The following KCNN1 variants were observed in gnomAD, a reference collection of about 807,000 sequenced individuals.
KCNN1 encodes the protein small conductance calcium-activated potassium channel protein 1.
In KCNN1, 20 loss-of-function variants were observed where a neutral mutation model predicts 44.7. That is an observed-to-expected ratio of 0.45 (90% CI 0.32 to 0.65). The LOEUF (loss-of-function observed/expected upper bound fraction) is 0.65. Ranked by LOEUF, KCNN1 falls within the 30% of genes least tolerant of loss-of-function variation. The probability of loss-of-function intolerance (pLI) is 0.05; values close to 1 mark genes in which losing one functional copy is unlikely to be tolerated. For synonymous variants in KCNN1, 324 were observed against 341.7 expected (o/e 0.95, Z 0.57); for missense variants, 632 against 785.3 (o/e 0.80, Z 2.33).
chr19:17,989,716 G>T lies in KCNN1; in HGVS notation c.1171G>T (p.Val391Leu). Reference protein sequence around the residue: ...FMMDTQLTKRVKNAAANVLRE... With the variant: ...FMMDTQLTKRLKNAAANVLRE... ...GGAATTGTTCTTTTTCTGGCCCCAG[G>T]TAAAAAACGCCGCTGCTAACGTTCT... The change falls in exon 7 of 10, where the codon GTA becomes TTA. Residue 391 changes from valine to leucine, a missense_variant and splice_region_variant. Physicochemically the swap from Val to Leu is conservative, Grantham distance 32. Coordinates refer to ENST00000684775, the MANE Select transcript of KCNN1 (RefSeq NM_001386974.1). 1 of 1,613,264 alleles carries T rather than the reference G, an allele frequency of 6.2e-7. No homozygotes were observed. Among genetic ancestry groups the T allele is most frequent in the Non-Finnish European group, 8.5e-7 (1 of 1,179,614 alleles).
intron 3 of KCNN1, among the ~76,000 whole-genome samples, chr19:17,977,677 A>G (rs2032251118): frequency 6.6e-6 from 1 of 152,024 alleles, no homozygotes; most frequent in African/African-American, 2.4e-5. Context: ...CATTTTAACT[A>G]GCCGACCTCG....
At chr19:17,978,443 T>G (rs78088717) in intron 3 of KCNN1, among the ~76,000 whole-genome samples, 1 of 149,458 alleles carries the variant, frequency 6.7e-6, no homozygotes, top group Non-Finnish European at 1.5e-5. Context: ...TTTTTTTTTT[T>G]TAAACACAGG....
intron 1 of KCNN1, among the ~76,000 whole-genome samples, chr19:17,969,223 G>A (rs1448033949): frequency 2.0e-5 from 3 of 152,080 alleles, no homozygotes; most frequent in African/African-American, 7.2e-5. Context: ...CTTCTCGACG[G>A]CAGGACCAGG....
chr19:17,955,753 G>A (rs922914501), intron 2 of KCNN1, among the ~76,000 whole-genome samples: 6 of 151,760 alleles, frequency 4.0e-5, no homozygotes, highest in African/African-American at 1.5e-4. Context: ...GGGGTGTTGA[G>A]CCAGGTTGGA....
At chr19:17,954,230 G>A (rs1395136366) in intron 1 of KCNN1, among the ~76,000 whole-genome samples, 1 of 152,146 alleles carries the variant, frequency 6.6e-6, no homozygotes, top group African/African-American at 2.4e-5. Flanking sequence ...GCTGAAGCAG[G>A]TGAATCACCT....
At chr19:17,973,437 C>T (rs1479298624) in intron 1 of KCNN1, among the ~76,000 whole-genome samples, 1 of 152,198 alleles carries the variant, frequency 6.6e-6, no homozygotes, top group Non-Finnish European at 1.5e-5. Context: ...TGCACCACTA[C>T]GCCTGGCTAA....
chr19:17,984,057 G>A (rs1477044554), intron 4 of KCNN1, among the ~76,000 whole-genome samples: 1 of 151,960 alleles, frequency 6.6e-6, no homozygotes, highest in Non-Finnish European at 1.5e-5. Context: ...CAGCTACTCG[G>A]GAGGCTGAAG....
chr19:17,967,153 C>T lies in KCNN1; in HGVS notation c.-246C>T, dbSNP rs1388038226. The T allele has an allele frequency of 1.0e-6, 1 of 958,462 alleles. No individual in the cohort carries two copies. Among genetic ancestry groups the T allele is most frequent in the Non-Finnish European group, 1.2e-6 (1 of 807,684 alleles). 59.4% of individuals were successfully genotyped at this position (958,462 alleles called of 1,614,324 possible). A position where few individuals can be genotyped will look rare whatever the true frequency, so the allele number is the denominator to read the frequency against. On this transcript the variant is annotated 5_prime_UTR_variant, in exon 1 of 10. Coordinates refer to ENST00000684775, the MANE Select transcript of KCNN1 (RefSeq NM_001386974.1). ...CCCGTGGACTGGGCGGCGGGGGATG[C>T]GCCTGCCGCCGCCGCCCCCGGCCCC...
intron 5 of KCNN1, 40 bp downstream of exon 5, chr19:17,985,493 AGCCAGCT>A (rs1244693619): frequency 6.7e-7 from 1 of 1,502,752 alleles, no homozygotes; most frequent in Non-Finnish European, 9.0e-7. Context: ...TGGGAGGTCC[AGCCAGCT>A]GCCCGCTCCA....
chr19:17,996,587 C>T (rs2033001502), intron 9 of KCNN1, among the ~76,000 whole-genome samples: 1 of 152,160 alleles, frequency 6.6e-6, no homozygotes, highest in Non-Finnish European at 1.5e-5. Context: ...GCCTAGACAA[C>T]AAGAGCGAGA....
chr19:17,954,544 C>G (rs1327797047), intron 1 of KCNN1: 1 of 152,900 alleles, frequency 6.5e-6, no homozygotes, highest in East Asian at 1.9e-4. Flanking sequence ...CCCGCACCCC[C>G]TGTCTGATCA....
intron 4 of KCNN1, among the ~76,000 whole-genome samples, chr19:17,985,035 G>A (rs2032548003): frequency 2.0e-5 from 3 of 152,168 alleles, no homozygotes; most frequent in African/African-American, 7.2e-5. Context: ...CTGTCTGTGT[G>A]TGTCTGTCGT....
rs71164334 is a variant in KCNN1 at position 17,979,140 on chromosome 19, T to TAAA, written c.499-2552_499-2550dup. 9.7e-5 allele frequency among the ~76,000 whole-genome samples: 10 copies of TAAA among 103,346 alleles called. No homozygotes were observed. The South Asian group carries it at 1.1e-3, about 11-fold the overall frequency. 67.8% of individuals were successfully genotyped at this position (103,346 alleles called of 152,430 possible). ...GTAACATAGCAAGACCCCTTCCTCT[T>TAAA]AAAAAAAAAAAAAAAAAAAGGCCGG... On this transcript the variant is annotated intron_variant, in intron 3 of 9. Transcript: ENST00000684775.
At chr19:17,978,126 G>GTTTTTT (rs761452750) in intron 3 of KCNN1, among the ~76,000 whole-genome samples, 1 of 130,962 alleles carries the variant, frequency 7.6e-6, no homozygotes, top group African/African-American at 2.8e-5. Flanking sequence ...ATGTATACTT[G>GTTTTTT]TTTTTTTTTT....
chr19:17,988,376 A>G (rs746992947), intron 5 of KCNN1, 39 bp from the exon 6 acceptor site: 17 of 1,552,280 alleles, frequency 1.1e-5, no homozygotes, highest in Non-Finnish European at 1.4e-5. Context: ...AGTGACCTCA[A>G]GACAGGACGC....
intron 2 of KCNN1, among the ~76,000 whole-genome samples, chr19:17,961,564 T>C (rs1211874625): frequency 8.5e-6 from 1 of 117,836 alleles, no homozygotes; most frequent in Non-Finnish European, 1.8e-5. Context: ...AAACCCTATT[T>C]TCTTTCTTTC....
intron 1 of KCNN1, among the ~76,000 whole-genome samples, chr19:17,953,376 C>G (rs563741676): frequency 2.0e-5 from 3 of 152,354 alleles, no homozygotes; most frequent in African/African-American, 7.2e-5. Context: ...CTGGCTGGAA[C>G]AGGTGGCCCC....
In KCNN1 at chr19:17,974,633, T is replaced by C. The variant is rs1400713363; in HGVS notation, c.402+343T>C. Among the ~76,000 whole-genome samples, 1 of 152,142 alleles carries C rather than the reference T, an allele frequency of 6.6e-6. No homozygotes were observed. Among genetic ancestry groups the C allele is most frequent in the Non-Finnish European group, 1.5e-5 (1 of 68,012 alleles). On this transcript the variant is annotated intron_variant, in intron 2 of 9. Transcript: ENST00000684775. This position sits in a 1 kb window ranked among gnomAD's most constrained non-coding sequence, Gnocchi z 7.3. ...TCCTCCCCTTCCGAGAGTGAGTGCG[T>C]CCAGGTTACAAGCCTGGCTGTGGGT... is the stretch of plus-strand genomic sequence containing the variant.
intron 3 of KCNN1, among the ~76,000 whole-genome samples, chr19:17,978,377 G>A (rs1193423242): frequency 1.3e-5 from 2 of 148,988 alleles, no homozygotes; most frequent in African/African-American, 2.5e-5. Context: ...CACCCGCCTC[G>A]GCCTTCCAAA....
Sources: allele counts gnomAD v4.1 joint callset (sites outside exome capture counted in the v4.1 genomes callset), GRCh38; gene constraint gnomAD v4.1.1; non-coding constraint Gnocchi (gnomAD v3.1); transcripts MANE v1.5; gene names NCBI Gene and HGNC (gene_info 2026-07-23, HGNC 2026-07-21).